TMTC2: variants seen among roughly 807,000 people sequenced by gnomAD.
The protein encoded by TMTC2 is transmembrane O-mannosyltransferase targeting cadherins 2.
A neutral mutation model predicts 82.4 loss-of-function variants in TMTC2; 43 were observed. The ratio of observed to expected loss-of-function variants is 0.52; its 90% CI spans 0.41 to 0.67. The LOEUF (loss-of-function observed/expected upper bound fraction) is 0.67, where lower values mean the gene tolerates loss of function less well. TMTC2 is among the 30% of genes least tolerant of loss of function. TMTC2 has a pLI of 0.00. For missense variants in TMTC2, 919 were observed against 1,012.4 expected, an observed-to-expected ratio of 0.91 and a Z score of 1.25; for synonymous variants, 408 against 381.9, an observed-to-expected ratio of 1.07 and a Z score of -0.80.
chr12:83,057,158 C>T (rs1882574667), intron 10 of TMTC2, among the ~76,000 whole-genome samples: 1 of 151,872 alleles, frequency 6.6e-6, no homozygotes, highest in African/African-American at 2.4e-5. Context: ...TTTAATTTTT[C>T]CCACTACACA....
At chr12:82,849,064 C>G (rs535106098) in intron 1 of TMTC2, among the ~76,000 whole-genome samples, 1 of 151,960 alleles carries the variant, frequency 6.6e-6, no homozygotes, top group Non-Finnish European at 1.5e-5. Flanking sequence ...GCTGTGAATG[C>G]GAGCTGTGAA....
chr12:82,938,076 G>A (rs539579270), intron 4 of TMTC2, among the ~76,000 whole-genome samples: 208 of 151,586 alleles, frequency 1.4e-3, no homozygotes, highest in Non-Finnish European at 1.7e-3. Context: ...ACCACACCCG[G>A]CTAATTTTTG....
chr12:82,850,758 A>G (rs1870931873), intron 1 of TMTC2, among the ~76,000 whole-genome samples: 1 of 151,876 alleles, frequency 6.6e-6, no homozygotes, highest in Non-Finnish European at 1.5e-5. Context: ...TTGGAATGCT[A>G]TAAACATGAT....
At chr12:82,706,231 C>T (rs1354636939) in intron 1 of TMTC2, among the ~76,000 whole-genome samples, 1 of 150,280 alleles carries the variant, frequency 6.7e-6, no homozygotes, top group African/African-American at 2.4e-5. Context: ...ATCGCTTGAA[C>T]CTGGGAACCT....
intron 1 of TMTC2, among the ~76,000 whole-genome samples, chr12:82,743,154 C>G (rs1214484298): frequency 6.6e-6 from 1 of 152,040 alleles, no homozygotes; most frequent in Non-Finnish European, 1.5e-5. Flanking sequence ...AATGAAAAAG[C>G]AGATGTAGCT....
At chr12:83,056,234 A>C (rs1331448016) in intron 10 of TMTC2, among the ~76,000 whole-genome samples, 1 of 151,922 alleles carries the variant, frequency 6.6e-6, no homozygotes, top group East Asian at 1.9e-4. Flanking sequence ...CATTTTTAGA[A>C]GTATCATCAT....
chr12:82,907,368 C>A (rs1272885122), intron 3 of TMTC2, among the ~76,000 whole-genome samples: 1 of 151,258 alleles, frequency 6.6e-6, no homozygotes, highest in East Asian at 1.9e-4. Flanking sequence ...GAGGCTCAGG[C>A]AGGATAATTG....
chr12:82,793,842 C>G (rs920583795), intron 1 of TMTC2, among the ~76,000 whole-genome samples: 1 of 152,142 alleles, frequency 6.6e-6, no homozygotes, highest in Non-Finnish European at 1.5e-5. Flanking sequence ...TCAGTTGGAA[C>G]AAACAAAAGA....
intron 2 of TMTC2, among the ~76,000 whole-genome samples, chr12:82,862,083 C>T (rs1289845187): frequency 6.6e-6 from 1 of 152,118 alleles, no homozygotes; most frequent in Non-Finnish European, 1.5e-5. Flanking sequence ...CTTGACCTCT[C>T]ACTAAATGAT....
In TMTC2 at chr12:82,883,365, T is replaced by C. The variant is rs74106162; in HGVS notation, c.655-12453T>C. Among the ~76,000 whole-genome samples, 891 of 152,266 alleles carry C rather than the reference T, an allele frequency of 5.9e-3. 7 individuals are homozygous for C. Among genetic ancestry groups the C allele is most frequent in the African/African-American group, 0.02 (843 of 41,568 alleles). ...CTTATTAATGAACATCTATAAGGCATGTATGTTTATTAAGTTCTATTTGTA... is the reference window on the plus strand; with the variant it reads ...CTTATTAATGAACATCTATAAGGCACGTATGTTTATTAAGTTCTATTTGTA... On this transcript the variant is annotated intron_variant, in intron 2 of 11. Coordinates refer to ENST00000321196, the MANE Select transcript of TMTC2 (RefSeq NM_152588.3).
intron 1 of TMTC2, among the ~76,000 whole-genome samples, chr12:82,773,595 G>A (rs972976136): frequency 1.3e-5 from 2 of 152,008 alleles, no homozygotes; most frequent in African/African-American, 4.8e-5. Context: ...TGAGTAGCTG[G>A]GATTACAGGC....
chr12:82,728,495 C>A (rs548766807), intron 1 of TMTC2, among the ~76,000 whole-genome samples: 2 of 152,168 alleles, frequency 1.3e-5, no homozygotes, highest in South Asian at 2.1e-4. Flanking sequence ...CCGAGGTGGG[C>A]AGATCACCTG....
At chr12:82,972,892 G>A (rs1878510769) in intron 7 of TMTC2, among the ~76,000 whole-genome samples, 1 of 152,138 alleles carries the variant, frequency 6.6e-6, no homozygotes, top group South Asian at 2.1e-4. Flanking sequence ...TTCTGTGTGT[G>A]TATGTGCATG....
chr12:82,881,888 G>A (rs1018555719), intron 2 of TMTC2, among the ~76,000 whole-genome samples: 1 of 151,686 alleles, frequency 6.6e-6, no homozygotes, highest in African/African-American at 2.4e-5. Flanking sequence ...AACCATCAGA[G>A]TAATAAGATA....
intron 11 of TMTC2, among the ~76,000 whole-genome samples, chr12:83,096,871 A>T (rs2137527834): frequency 6.6e-6 from 1 of 152,094 alleles, no homozygotes; most frequent in African/African-American, 2.4e-5. Flanking sequence ...CTCAACAATT[A>T]TTTTCTAGGG....
At chr12:82,904,803 C>T (rs1355540986) in intron 3 of TMTC2, among the ~76,000 whole-genome samples, 3 of 152,040 alleles carry the variant, frequency 2.0e-5, no homozygotes, top group Non-Finnish European at 4.4e-5. Flanking sequence ...TTGCTGTGGC[C>T]TCCTCTAAAT....
At chr12:82,857,699 T>G in intron 2 of TMTC2, 119 bp downstream of exon 2, 1 of 930,958 alleles carries the variant, frequency 1.1e-6, no homozygotes, top group South Asian at 1.8e-5. Flanking sequence ...TAAGTTCCTT[T>G]TTGATCTTCA....
intron 3 of TMTC2, among the ~76,000 whole-genome samples, chr12:82,927,716 A>G (rs1284919556): frequency 1.3e-5 from 2 of 152,174 alleles, no homozygotes; most frequent in Non-Finnish European, 1.5e-5. Flanking sequence ...ACCTTCAGCA[A>G]CCATCACCCT....
intron 11 of TMTC2, among the ~76,000 whole-genome samples, chr12:83,083,007 C>T (rs1883526146): frequency 6.6e-6 from 1 of 152,190 alleles, no homozygotes; most frequent in South Asian, 2.1e-4. Flanking sequence ...GGTCTGGGAT[C>T]TTCTGCCTGC....
Sources: gnomAD v4.1 joint callset for allele counts (sites outside exome capture counted in the v4.1 genomes callset) on GRCh38, gnomAD v4.1.1 for gene constraint, MANE v1.5 for transcripts, NCBI Gene and HGNC (gene_info 2026-07-23, HGNC 2026-07-21) for gene names.